The following XPO7 variants were observed in gnomAD, a reference collection of about 807,000 sequenced individuals.
XPO7 encodes exportin 7, also known as exportin-7.
In XPO7, 21 loss-of-function variants were observed where a neutral mutation model predicts 144.3. That is an observed-to-expected ratio of 0.15 (90% CI 0.10 to 0.21). The LOEUF (loss-of-function observed/expected upper bound fraction) is 0.21, where lower values mean the gene tolerates loss of function less well. XPO7 is among the 10% of genes least tolerant of loss of function. The pLI is 1.00. For synonymous variants in XPO7, 580 were observed against 499.6 expected (o/e 1.16, Z -2.15); for missense variants, 808 against 1,325.8 (o/e 0.61, Z 6.06).
chr8:21,948,176 G>A (rs1042548145), intron 1 of XPO7, among the ~76,000 whole-genome samples: 2 of 152,206 alleles, frequency 1.3e-5, no homozygotes, highest in African/African-American at 2.4e-5. Context: ...TCACAATGCA[G>A]TCATGCACTG....
At chr8:21,999,723 C>T (rs753447538) in intron 24 of XPO7, 49 bp downstream of exon 24, 6 of 1,607,120 alleles carry the variant, frequency 3.7e-6, no homozygotes, top group Non-Finnish European at 5.1e-6. Flanking sequence ...TTTTTTACCA[C>T]TTAACTAAAC....
intron 1 of XPO7, among the ~76,000 whole-genome samples, chr8:21,929,427 G>T (rs1810571000): frequency 6.6e-6 from 1 of 152,150 alleles, no homozygotes; most frequent in African/African-American, 2.4e-5. Flanking sequence ...AAGAAATTCA[G>T]AATTTTACTG....
At position 21,995,570 on chromosome 8, in the gene XPO7, C is replaced by T. The variant is rs1201421817; in HGVS notation, c.2316C>T (p.Leu772=). ...ATCCAGCCTGTACTACACCTGTACT[C>T]AAGTTGATGGCTGAATTGGTTCATA... is the stretch of plus-strand genomic sequence containing the variant. ...YHDPACTTPV[L]KLMAELVHNR... Residue 772 remains leucine, a synonymous_variant, in exon 21 of 28, where the codon CTC becomes CTT. Transcript: ENST00000252512. 3 of 1,606,864 alleles carry T rather than the reference C, an allele frequency of 1.9e-6. No homozygotes were observed. The highest frequency in any genetic ancestry group is 2.6e-6 in the Non-Finnish European group (3 of 1,176,358).
chr8:21,931,796 A>G (rs576349019), intron 1 of XPO7, among the ~76,000 whole-genome samples: 5 of 152,268 alleles, frequency 3.3e-5, no homozygotes, highest in Admixed American at 6.5e-5. Context: ...TTCATTCTCT[A>G]TCCTCTATCA....
At chr8:21,945,443 A>G (rs560196492) in intron 1 of XPO7, among the ~76,000 whole-genome samples, 2 of 152,384 alleles carry the variant, frequency 1.3e-5, no homozygotes, top group East Asian at 3.9e-4. Flanking sequence ...AATTTTATAC[A>G]GACAAATGCA....
chr8:21,934,947 G>C (rs754703321), intron 1 of XPO7, among the ~76,000 whole-genome samples: 1 of 152,190 alleles, frequency 6.6e-6, no homozygotes, highest in Non-Finnish European at 1.5e-5. Context: ...CCACAAAGCA[G>C]GTTGTGACAT....
At position 21,999,076 on chromosome 8, in the gene XPO7, G is replaced by A; in HGVS notation, c.2429-15G>A. 6.2e-7 allele frequency: 1 copy of A among 1,613,180 alleles called. No homozygotes were observed. The highest frequency in any genetic ancestry group is 8.5e-7 in the Non-Finnish European group (1 of 1,179,206). On this transcript the variant is annotated splice_polypyrimidine_tract_variant and intron_variant, in intron 22 of 27. Transcript: ENST00000252512. ...CTAATGTGGTTGAATAAACATATATGACATGTCTACTCAGGCAATCGCATC... is the reference window on the plus strand; with the variant it reads ...CTAATGTGGTTGAATAAACATATATAACATGTCTACTCAGGCAATCGCATC...
chr8:21,956,933 G>T (rs1811555606), intron 1 of XPO7, among the ~76,000 whole-genome samples: 1 of 152,008 alleles, frequency 6.6e-6, no homozygotes, highest in South Asian at 2.1e-4. Flanking sequence ...GATAATACTT[G>T]ATTATTTGCT....
At chr8:21,969,689 C>T (rs892861230) in intron 3 of XPO7, 113 bp downstream of exon 3, 19 of 1,066,884 alleles carry the variant, frequency 1.8e-5, no homozygotes, top group Non-Finnish European at 2.4e-5. Flanking sequence ...GCTAACCATA[C>T]AAAATGTCTA....
intron 1 of XPO7, among the ~76,000 whole-genome samples, chr8:21,946,327 A>G (rs1398290771): frequency 2.0e-5 from 3 of 152,202 alleles, no homozygotes; most frequent in South Asian, 2.1e-4. Context: ...GTGACCGTCA[A>G]AAACAACAAG....
At chr8:21,983,327 C>T (rs528333979) in intron 11 of XPO7, among the ~76,000 whole-genome samples, 11 of 152,274 alleles carry the variant, frequency 7.2e-5, no homozygotes, top group African/African-American at 1.9e-4. Flanking sequence ...ACCAAAATCC[C>T]GTAGCTAAAG....
chr8:22,002,614 T>C (rs1813189056), intron 25 of XPO7, among the ~76,000 whole-genome samples: 1 of 151,914 alleles, frequency 6.6e-6, no homozygotes, highest in African/African-American at 2.4e-5. Flanking sequence ...AAGGCTTGTG[T>C]TCCTGTTTAC....
chr8:21,945,920 A>G (rs930907449), intron 1 of XPO7, among the ~76,000 whole-genome samples: 26 of 152,198 alleles, frequency 1.7e-4, no homozygotes, highest in African/African-American at 6.0e-4. Flanking sequence ...AAATTGCTGT[A>G]GGGTCAAATG....
chr8:21,920,489 G>A (rs1451069570), intron 1 of XPO7, among the ~76,000 whole-genome samples: 1 of 152,174 alleles, frequency 6.6e-6, no homozygotes, highest in Non-Finnish European at 1.5e-5. Flanking sequence ...ACACGGGGTG[G>A]AGGGGGGTGT....
chr8:21,980,063 T>C (rs759032827), intron 8 of XPO7, 21 bp from the exon 9 acceptor site: 1 of 1,552,324 alleles, frequency 6.4e-7, no homozygotes, highest in Admixed American at 2.0e-5. Context: ...TCGTTGTGTT[T>C]GGGTTCTGCC....
chr8:21,999,279 C>T lies in XPO7; in HGVS notation c.2617C>T (p.Leu873Phe), dbSNP rs543612766. 1 of 1,613,104 alleles carries T rather than the reference C, an allele frequency of 6.2e-7. No individual in the cohort carries two copies. The highest frequency in any genetic ancestry group is 2.2e-5 in the East Asian group (1 of 44,882). The change falls in exon 23 of 28, where the codon CTC becomes TTC. Residue 873 changes from leucine (L) to phenylalanine (F), a missense_variant. Transcript: ENST00000252512. ...TCTGCAGACCTTCATCAAGCTGCTC[C>T]TCTCTATTCCTCACAGTGATCTCTT... ...NALQTFIKLL[L>F]SIPHSDLLDY... is the part of the protein sequence containing the mutation.
intron 1 of XPO7, among the ~76,000 whole-genome samples, chr8:21,921,986 G>C (rs1359180146): frequency 6.6e-6 from 1 of 152,170 alleles, no homozygotes; most frequent in African/African-American, 2.4e-5. Flanking sequence ...TAGGTATAAT[G>C]AGTAAATAAA....
At chr8:21,958,712 T>C (rs902585489) in intron 1 of XPO7, among the ~76,000 whole-genome samples, 13 of 149,912 alleles carry the variant, frequency 8.7e-5, no homozygotes, top group Non-Finnish European at 1.6e-4. Flanking sequence ...TAATCCCAAG[T>C]GCTTTGGGAG....
chr8:21,987,612 C>G (rs1812623515), intron 14 of XPO7, among the ~76,000 whole-genome samples, 172 bp from the exon 15 acceptor site: 1 of 152,216 alleles, frequency 6.6e-6, no homozygotes, highest in Admixed American at 6.5e-5. Context: ...AGTAAGATTG[C>G]TCAGCATCTG....
Sources: allele counts gnomAD v4.1 joint callset (sites outside exome capture counted in the v4.1 genomes callset), GRCh38; gene constraint gnomAD v4.1.1; transcripts MANE v1.5; gene names NCBI Gene and HGNC (gene_info 2026-07-23, HGNC 2026-07-21).